NOTCH1: variants seen among roughly 807,000 people sequenced by gnomAD.
NOTCH1 encodes neurogenic locus notch homolog protein 1.
In NOTCH1, 37 loss-of-function variants were observed where a neutral mutation model predicts 254.8. That is an observed-to-expected ratio of 0.15 (90% CI 0.11 to 0.19). The LOEUF (loss-of-function observed/expected upper bound fraction) is 0.19. NOTCH1 is among the 10% of genes least tolerant of loss of function. NOTCH1 has a pLI of 1.00. For missense variants in NOTCH1, 2,972 were observed against 3,708.6 expected (o/e 0.80, Z 5.16); for synonymous variants, 1,731 against 1,618.1 (o/e 1.07, Z -1.68).
In NOTCH1 at chr9:136,545,894, C is replaced by T; in HGVS notation, c.-108G>A. 2.3e-6 allele frequency: 1 copy of T among 427,378 alleles called. No homozygotes were observed. Among genetic ancestry groups the T allele is most frequent in the Non-Finnish European group, 3.4e-6 (1 of 295,428 alleles). 26.5% of individuals were successfully genotyped at this position (427,378 alleles called of 1,614,324 possible). A position where few individuals can be genotyped will look rare whatever the true frequency, so the allele number is the denominator to read the frequency against. On this transcript the variant is annotated 5_prime_UTR_variant, in exon 1 of 34. Transcript: ENST00000651671. This position sits in a 1 kb window ranked among gnomAD's most constrained non-coding sequence, Gnocchi z 6.8. The stretch of plus-strand genomic sequence containing the variant: ...CGGTCCCGGGGCGGCGGCGGACGGT[C>T]CCGCCCTCTCTTCCCCGGCTGGCTG...
intron 9 of NOTCH1, among the ~76,000 whole-genome samples, chr9:136,516,463 C>G (rs1843274215): frequency 6.6e-6 from 1 of 152,214 alleles, no homozygotes; most frequent in African/African-American, 2.4e-5. Flanking sequence ...CGCCCCGGCC[C>G]CCAGCTCTGG....
chr9:136,544,231 CT>C, intron 1 of NOTCH1, 129 bp from the exon 2 acceptor site: 3 of 850,518 alleles, frequency 3.5e-6, no homozygotes, highest in Non-Finnish European at 3.9e-6. Context: ...CGGACGCACT[CT>C]GCTCAGTATC....
In NOTCH1 at chr9:136,532,347, C is replaced by T. The variant is rs145221534; in HGVS notation, c.141-8368G>A. On this transcript the variant is annotated intron_variant, in intron 2 of 33. Coordinates refer to ENST00000651671, the MANE Select transcript of NOTCH1 (RefSeq NM_017617.5). ...AGCCTCGCCCAGTGCCTCGCGGCCT[C>T]GCCCAAAGATCTCGCACTACCTCAC... Among the ~76,000 whole-genome samples, 410 of 152,324 alleles carry T rather than the reference C, an allele frequency of 2.7e-3. 2 individuals are homozygous for T. Among genetic ancestry groups the T allele is most frequent in the African/African-American group, 9.2e-3 (382 of 41,586 alleles).
chr9:136,518,855 C>T (rs375720630), intron 5 of NOTCH1, 31 bp from the exon 6 acceptor site: 7 of 1,592,226 alleles, frequency 4.4e-6, no homozygotes, highest in Non-Finnish European at 6.0e-6. Flanking sequence ...CGGCCCCGGG[C>T]AGCTGCCACT....
chr9:136,517,481 GC>G lies in NOTCH1; in HGVS notation c.1442-97del, dbSNP rs1467690386. The stretch of plus-strand genomic sequence containing the variant: ...GGGACAGAAACGAACCCTGCCTCCA[GC>G]CCAGTGTCCCAGCCACCACGGGCCC... On this transcript the variant is annotated intron_variant, in intron 8 of 33. Coordinates refer to ENST00000651671, the MANE Select transcript of NOTCH1 (RefSeq NM_017617.5). The G allele has an allele frequency of 6.2e-6, 6 of 966,726 alleles. No individual in the cohort carries two copies. The Admixed American group carries it at 1.2e-4, about 20-fold the overall frequency. 59.9% of individuals were successfully genotyped at this position (966,726 alleles called of 1,614,324 possible).
At chr9:136,522,563 T>C in intron 4 of NOTCH1, 1 of 460,862 alleles carries the variant, frequency 2.2e-6, no homozygotes. Flanking sequence ...TCAGGGTGCC[T>C]GCACTGGGGG....
In NOTCH1 at chr9:136,518,831, G is replaced by C. The variant is rs368001435; in HGVS notation, c.866-7C>G. 1 of 1,612,114 alleles carries C rather than the reference G, an allele frequency of 6.2e-7. No individual in the cohort carries two copies. The highest frequency in any genetic ancestry group is 8.5e-7 in the Non-Finnish European group (1 of 1,179,414). ...TCCTCGGTACAGTACTGACCTGCAGGGAACAGGAGCTGTCGGCCCCGGGCA... is the reference window on the plus strand; with the variant it reads ...TCCTCGGTACAGTACTGACCTGCAGCGAACAGGAGCTGTCGGCCCCGGGCA... On this transcript the variant is annotated splice_region_variant and splice_polypyrimidine_tract_variant and intron_variant, in intron 5 of 33. Transcript: ENST00000651671.
In NOTCH1 at chr9:136,506,254, A is replaced by T. The variant is rs899054794; in HGVS notation, c.4014+273T>A. 6.6e-6 allele frequency among the ~76,000 whole-genome samples: 1 copy of T among 152,094 alleles called. No individual in the cohort carries two copies. The highest frequency in any genetic ancestry group is 2.4e-5 in the African/African-American group (1 of 41,402). On this transcript the variant is annotated intron_variant, in intron 24 of 33. Transcript: ENST00000651671. This position sits in a 1 kb window ranked among gnomAD's most constrained non-coding sequence, Gnocchi z 4.5. ...CTGTTGGTAACAATGTATCACTGAA[A>T]TCCAGAGTGAAATTGATGCAAGCTG...
At chr9:136,512,450 C>G (rs1400779259) in intron 15 of NOTCH1, among the ~76,000 whole-genome samples, 2 of 152,214 alleles carry the variant, frequency 1.3e-5, no homozygotes, top group African/African-American at 2.4e-5. Context: ...TTCCTGTGAT[C>G]CCCTTGGCTG....
Position 136,505,847 on chromosome 9 carries a change from C to G in NOTCH1, c.4049G>C (p.Arg1350Pro), listed in dbSNP as rs150343794. The G allele has an allele frequency of 2.4e-5, 39 of 1,594,960 alleles. No homozygotes were observed. The highest frequency in any genetic ancestry group is 3.3e-5 in the Non-Finnish European group (39 of 1,177,718). The change falls in exon 25 of 34, where the codon CGT becomes CCT. Residue 1350 changes from arginine (R) to proline (P), a missense_variant. Coordinates refer to ENST00000651671, the MANE Select transcript of NOTCH1 (RefSeq NM_017617.5). Reference protein sequence around the residue: ...FEGATCENDARTCGSLRCLNG... With the variant: ...FEGATCENDAPTCGSLRCLNG... ...GAGGCAGCGCAGGCTGCCGCAGGTA[C>G]GAGCGTCATTCTCACACGTGGCGCC...
chr9:136,505,658 C>T lies in NOTCH1; in HGVS notation c.4238G>A (p.Arg1413His), dbSNP rs371068504. 9.4e-5 allele frequency: 152 copies of T among 1,611,780 alleles called. No individual in the cohort carries two copies. The highest frequency in any genetic ancestry group is 4.9e-4 in the Middle Eastern group (3 of 6,080). ...GTTGAATTTGGCGGGGCACAGGCAACGGTAGAAGGGGCTCTCGGATGTGGG... is the reference window on the plus strand; with the variant it reads ...GTTGAATTTGGCGGGGCACAGGCAATGGTAGAAGGGGCTCTCGGATGTGGG... ...CEPTSESPFY[R>H]CLCPAKFNGL... The change falls in exon 25 of 34, where the codon CGT (arginine) becomes CAT (histidine). Residue 1413 changes from arginine (R) to histidine (H), a missense_variant. Physicochemically the swap from Arg to His is conservative, Grantham distance 29 (BLOSUM62 0). Coordinates refer to ENST00000651671, the MANE Select transcript of NOTCH1 (RefSeq NM_017617.5).
chr9:136,497,684 C>T, intron 33 of NOTCH1, 126 bp from the exon 34 acceptor site: 2 of 719,224 alleles, frequency 2.8e-6, no homozygotes, highest in Non-Finnish European at 4.5e-6. Context: ...GCAGGCTGCT[C>T]CTCAGGACCC....
At chr9:136,524,051 A>G (rs1589072829) in intron 2 of NOTCH1, 72 bp from the exon 3 acceptor site, 5 of 1,525,342 alleles carry the variant, frequency 3.3e-6, no homozygotes, top group Non-Finnish European at 4.4e-6. Flanking sequence ...AGCACCGGGA[A>G]CCTGTCATGG....
In NOTCH1 at chr9:136,508,788, T is replaced by TG. The variant is rs35987207; in HGVS notation, c.3171+81dup. ...GACCCCGAGCCGACACAGTGGGACCTGGGGTGACCGTTCCCACCTCCCGCA... is the reference window on the plus strand; with the variant it reads ...GACCCCGAGCCGACACAGTGGGACCTGGGGGTGACCGTTCCCACCTCCCGCA... On this transcript the variant is annotated intron_variant, in intron 19 of 33. Transcript: ENST00000651671. 0.44 allele frequency: 598,406 copies of TG among 1,358,348 alleles called. 141,451 individuals are homozygous for TG. The highest frequency in any genetic ancestry group is 0.84 in the East Asian group (33,468 of 39,690). 84.1% of individuals were successfully genotyped at this position (1,358,348 alleles called of 1,614,324 possible).
At position 136,506,666 on chromosome 9, in the gene NOTCH1, G is replaced by A. The variant is rs1214494195; in HGVS notation, c.3902-27C>T. ...TAGGGGTAAGAGCAGGGCAGTGAGA[G>A]GCTCACCCTGCTGCCCCACACGCCC... On this transcript the variant is annotated intron_variant, in intron 23 of 33. Transcript: ENST00000651671. The surrounding 1 kb of genome is among the most constrained non-coding windows in gnomAD (Gnocchi z 4.5). 6.3e-7 allele frequency: 1 copy of A among 1,598,896 alleles called. No homozygotes were observed. Among genetic ancestry groups the A allele is most frequent in the Non-Finnish European group, 8.5e-7 (1 of 1,173,604 alleles).
rs61751533 is a variant in NOTCH1 at position 136,497,376 on chromosome 9, G to C, written c.6363C>G (p.Ser2121Arg). The part of the protein sequence containing the change: ...RLLDEYNLVR[S>R]PQLHGAPLGG... ...CCAGCGGGGCTCCGTGCAGCTGCGG[G>C]CTGCGCACCAGGTTGTACTCGTCCA... The change falls in exon 34 of 34, where the codon AGC becomes AGG. Residue 2121 changes from serine (S) to arginine (R), a missense_variant. Ser to Arg is a moderately radical substitution (Grantham distance 110, BLOSUM62 -1). Coordinates refer to ENST00000651671, the MANE Select transcript of NOTCH1 (RefSeq NM_017617.5). 1 of 1,608,620 alleles carries C rather than the reference G, an allele frequency of 6.2e-7. No individual in the cohort carries two copies. Among genetic ancestry groups the C allele is most frequent in the Admixed American group, 1.7e-5 (1 of 59,982 alleles).
At chr9:136,529,616 T>C (rs892419333) in intron 2 of NOTCH1, among the ~76,000 whole-genome samples, 1 of 152,190 alleles carries the variant, frequency 6.6e-6, no homozygotes, top group African/African-American at 2.4e-5. Context: ...AACAAAGAGC[T>C]ATAGCAAGGA....
In NOTCH1 at chr9:136,497,285, C is replaced by A. The variant is rs116317506; in HGVS notation, c.6454G>T (p.Gly2152Cys). Residue 2152 changes from glycine to cysteine, a missense_variant, in exon 34 of 34, where the codon GGC becomes TGC. Physicochemically the swap from Gly to Cys is radical, Grantham distance 159. Around this residue, in one of 8 missense-constraint regions of NOTCH1, gnomAD observed 529 missense variants for 529.2 expected, o/e 1.00. Transcript: ENST00000651671. Reference sequence around the variant, plus strand: ...TTGCGGACCTTCTTGCCCTGCACGCCGGGCTTGAGGCTGCCCAGGTAGCCG... The same window carrying A: ...TTGCGGACCTTCTTGCCCTGCACGCAGGGCTTGAGGCTGCCCAGGTAGCCG... ...PNGYLGSLKPGVQGKKVRKPS... is the reference protein window; with the variant it reads ...PNGYLGSLKPCVQGKKVRKPS... 1.2e-6 allele frequency: 2 copies of A among 1,609,252 alleles called. No individual in the cohort carries two copies. Among genetic ancestry groups the A allele is most frequent in the African/African-American group, 2.7e-5 (2 of 75,036 alleles).
intron 30 of NOTCH1, among the ~76,000 whole-genome samples, 187 bp downstream of exon 30, chr9:136,501,561 G>A (rs1016470229): frequency 6.6e-6 from 1 of 152,166 alleles, no homozygotes; most frequent in Non-Finnish European, 1.5e-5. Context: ...GGAAGGGGTT[G>A]GTGGAAGAAC....
Sources: allele counts gnomAD v4.1 joint callset (sites outside exome capture counted in the v4.1 genomes callset), GRCh38; gene constraint gnomAD v4.1.1; regional missense constraint gnomAD v4.1.1; non-coding constraint Gnocchi (gnomAD v3.1); transcripts MANE v1.5; gene names NCBI Gene and HGNC (gene_info 2026-07-23, HGNC 2026-07-21).